Variants in FKBP1A observed in about 807,000 individuals in gnomAD.
FKBP1A encodes FKBP prolyl isomerase 1A.
In FKBP1A, 5 loss-of-function variants were observed where a neutral mutation model predicts 14.2. That is an observed-to-expected ratio of 0.35 (90% CI 0.18 to 0.74). FKBP1A has a LOEUF of 0.74. FKBP1A is among the 30% of genes least tolerant of loss of function. The pLI is 0.56. For missense variants in FKBP1A, 53 were observed against 138.8 expected (o/e 0.38, Z 3.10); for synonymous variants, 42 against 49.1 (o/e 0.86, Z 0.60).
intron 2 of FKBP1A, among the ~76,000 whole-genome samples, chr20:1,387,478 G>C (rs1304633683): frequency 6.6e-6 from 1 of 152,114 alleles, no homozygotes; most frequent in Non-Finnish European, 1.5e-5. Flanking sequence ...AGCAAATAGA[G>C]GGGGAAAAAG....
Position 1,370,046 on chromosome 20 carries a change from G to A in FKBP1A, c.*63C>T, listed in dbSNP as rs944368233. 21 of 1,549,980 alleles carry A rather than the reference G, an allele frequency of 1.4e-5. No individual in the cohort carries two copies. In the African/African-American group the frequency reaches 2.2e-4, roughly 16 times the overall value. ...ATATGGATTCATGTGCACATGTCTG[G>A]AGGCACCAGATCCCTCCATGGCAGA... On this transcript the variant is annotated 3_prime_UTR_variant, in exon 5 of 5. Coordinates refer to ENST00000400137, the MANE Select transcript of FKBP1A (RefSeq NM_000801.5).
intron 3 of FKBP1A, among the ~76,000 whole-genome samples, chr20:1,372,690 A>AT (rs1423430662): frequency 2.0e-5 from 3 of 152,114 alleles, no homozygotes; most frequent in Admixed American, 2.0e-4. Context: ...AGGGTAGTCT[A>AT]TTTTTTCTGT....
At chr20:1,387,784 G>C (rs1460557114) in intron 2 of FKBP1A, among the ~76,000 whole-genome samples, 1 of 152,168 alleles carries the variant, frequency 6.6e-6, no homozygotes, top group East Asian at 1.9e-4. Flanking sequence ...CGAGGCTACA[G>C]TGAGCCATGA....
intron 2 of FKBP1A, among the ~76,000 whole-genome samples, chr20:1,391,442 G>A (rs1021514917): frequency 3.9e-5 from 6 of 152,142 alleles, no homozygotes; most frequent in African/African-American, 1.4e-4. Flanking sequence ...TTCCTTCACG[G>A]ACATGAGACT....
intron 4 of FKBP1A, 103 bp downstream of exon 4, chr20:1,371,958 TGCAGGGGGAAAAATA>T (rs1461892278): frequency 6.8e-7 from 1 of 1,463,596 alleles, no homozygotes; most frequent in African/African-American, 1.4e-5. Flanking sequence ...ACAGAAAGAA[TGCAGGGGGAAAAATA>T]GCCTTGTGGT....
At position 1,393,017 on chromosome 20, in the gene FKBP1A, G is replaced by C; in HGVS notation, c.-19C>G. ...CTCCCATGGCGGCGGCGGACGCTGA[G>C]CGGGCGGGCGGCGCGACGGGCGGCG... On this transcript the variant is annotated 5_prime_UTR_variant, in exon 1 of 5. Coordinates refer to ENST00000400137, the MANE Select transcript of FKBP1A (RefSeq NM_000801.5). The C allele has an allele frequency of 6.9e-7, 1 of 1,453,490 alleles. No homozygotes were observed. The highest frequency in any genetic ancestry group is 1.5e-5 in the African/African-American group (1 of 66,484). 90.0% of individuals were successfully genotyped at this position (1,453,490 alleles called of 1,614,324 possible). A position where few individuals can be genotyped will look rare whatever the true frequency, so the allele number is the denominator to read the frequency against.
chr20:1,387,858 G>A (rs2089684640), intron 2 of FKBP1A, among the ~76,000 whole-genome samples: 1 of 151,900 alleles, frequency 6.6e-6, no homozygotes, highest in Admixed American at 6.6e-5. Flanking sequence ...AATAAAATTT[G>A]GTATTTAAAG....
At chr20:1,390,913 CAT>C (rs1335602641) in intron 2 of FKBP1A, among the ~76,000 whole-genome samples, 6 of 152,208 alleles carry the variant, frequency 3.9e-5, no homozygotes, top group South Asian at 2.1e-4. Context: ...GCTCTGGAAA[CAT>C]GTGGGTGCGT....
At chr20:1,378,661 C>A (rs1184212873) in intron 2 of FKBP1A, 3 of 152,096 alleles carry the variant, frequency 2.0e-5, no homozygotes, top group Non-Finnish European at 4.4e-5. Context: ...TCTGTACATG[C>A]CTCTCAATTT....
chr20:1,388,306 C>G (rs1414477308), intron 2 of FKBP1A, among the ~76,000 whole-genome samples: 3 of 152,168 alleles, frequency 2.0e-5, no homozygotes, highest in Non-Finnish European at 1.5e-5. Flanking sequence ...CTAGCCTGCT[C>G]TCTTTGAAGA....
chr20:1,387,821 GAC>G (rs2089684224), intron 2 of FKBP1A, among the ~76,000 whole-genome samples: 2 of 152,276 alleles, frequency 1.3e-5, no homozygotes, highest in Non-Finnish European at 1.5e-5. Context: ...CAGCCTGAGT[GAC>G]AGAGACACTG....
Position 1,393,029 on chromosome 20 carries a change from C to CG in FKBP1A, c.-32dup. ...CGGCGGACGCTGAGCGGGCGGGCGG[C>CG]GCGACGGGCGGCGTGGACCAACAGC... On this transcript the variant is annotated 5_prime_UTR_variant, in exon 1 of 5. Transcript: ENST00000400137. 3 of 1,413,016 alleles carry CG rather than the reference C, an allele frequency of 2.1e-6. No individual in the cohort carries two copies. Among genetic ancestry groups the CG allele is most frequent in the Non-Finnish European group, 2.8e-6 (3 of 1,072,100 alleles). The allele number at this position is 1,413,016 out of a possible 1,614,324, so 87.5% of individuals were successfully genotyped here.
Position 1,393,004 on chromosome 20 carries a change from C to A in FKBP1A, c.-6G>T. Reference sequence around the variant, plus strand: ...GTTTCCACCTGCACTCCCATGGCGGCGGCGGACGCTGAGCGGGCGGGCGGC... The same window carrying A: ...GTTTCCACCTGCACTCCCATGGCGGAGGCGGACGCTGAGCGGGCGGGCGGC... On this transcript the variant is annotated 5_prime_UTR_variant, in exon 1 of 5. Coordinates refer to ENST00000400137, the MANE Select transcript of FKBP1A (RefSeq NM_000801.5). 6.8e-7 allele frequency: 1 copy of A among 1,466,068 alleles called. No homozygotes were observed. Among genetic ancestry groups the A allele is most frequent in the South Asian group, 1.3e-5 (1 of 74,334 alleles). 90.8% of individuals were successfully genotyped at this position (1,466,068 alleles called of 1,614,324 possible).
At chr20:1,384,047 C>G (rs781579627) in intron 2 of FKBP1A, among the ~76,000 whole-genome samples, 3 of 152,098 alleles carry the variant, frequency 2.0e-5, no homozygotes, top group Non-Finnish European at 2.9e-5. Context: ...CTTGGAGACT[C>G]ATAAAACTCA....
intron 2 of FKBP1A, chr20:1,377,418 GGGGACC>G (rs1179395442): frequency 6.6e-6 from 1 of 152,272 alleles, no homozygotes; most frequent in Non-Finnish European, 1.5e-5. Context: ...ACAGGAGGGT[GGGGACC>G]GGTACCTGCT....
intron 2 of FKBP1A, among the ~76,000 whole-genome samples, chr20:1,384,118 G>T (rs989134255): frequency 2.0e-5 from 3 of 152,182 alleles, no homozygotes; most frequent in Non-Finnish European, 4.4e-5. Context: ...TCTAGCTCAT[G>T]ATCACTTCTT....
chr20:1,389,047 T>G (rs2089701632), intron 2 of FKBP1A, among the ~76,000 whole-genome samples: 1 of 152,134 alleles, frequency 6.6e-6, no homozygotes, highest in Non-Finnish European at 1.5e-5. Flanking sequence ...AAAATGCCAT[T>G]TTTTTCAGAG....
chr20:1,372,288 C>T, intron 3 of FKBP1A, 48 bp from the exon 4 acceptor site: 1 of 1,598,648 alleles, frequency 6.3e-7, no homozygotes, highest in Non-Finnish European at 8.5e-7. Flanking sequence ...CATGCCCCAA[C>T]TGTCTCTGTA....
Position 1,386,333 on chromosome 20 carries a change from C to A in FKBP1A, c.85+6501G>T, listed in dbSNP as rs1568591833. Among the ~76,000 whole-genome samples the A allele has an allele frequency of 6.6e-6, 1 of 152,216 alleles. No homozygotes were observed. The highest frequency in any genetic ancestry group is 1.5e-5 in the Non-Finnish European group (1 of 68,036). On this transcript the variant is annotated intron_variant, in intron 2 of 4. Coordinates refer to ENST00000400137, the MANE Select transcript of FKBP1A (RefSeq NM_000801.5). The surrounding 1 kb of genome is among the most constrained non-coding windows in gnomAD (Gnocchi z 4.7). ...AGGGCAACATTGAGGCTTTGCCCAG[C>A]TCCTTATATATTCACTGAGTGACCG... is the stretch of plus-strand genomic sequence containing the variant.
Sources: allele counts gnomAD v4.1 joint callset (sites outside exome capture counted in the v4.1 genomes callset), GRCh38; gene constraint gnomAD v4.1.1; non-coding constraint Gnocchi (gnomAD v3.1); transcripts MANE v1.5; gene names NCBI Gene and HGNC (gene_info 2026-07-23, HGNC 2026-07-21).